The following TRAF2 variants were observed in gnomAD, a reference collection of about 807,000 sequenced individuals.
TRAF2 encodes TNF receptor-associated factor 2.
A neutral mutation model predicts 55.6 loss-of-function variants in TRAF2; 6 were observed. The observed-to-expected ratio is 0.11, with a 90% CI of 0.06 to 0.21. The LOEUF (loss-of-function observed/expected upper bound fraction) is 0.21, where lower values mean the gene tolerates loss of function less well. TRAF2 is among the 10% of genes least tolerant of loss of function. The probability of loss-of-function intolerance (pLI) is 1.00; values close to 1 mark genes in which losing one functional copy is unlikely to be tolerated. For synonymous variants in TRAF2, 329 were observed against 276.3 expected (o/e 1.19, Z -1.89); for missense variants, 561 against 684.5 (o/e 0.82, Z 2.01).
At chr9:136,906,644 AAAAAC>A (rs200362383) in intron 4 of TRAF2, among the ~76,000 whole-genome samples, 1,671 of 152,274 alleles carry the variant, frequency 0.011, 11 homozygotes, top group South Asian at 0.02. Flanking sequence ...CCCTGTCTCA[AAAAAC>A]AAAACAAAAC....
chr9:136,885,332 G>A (rs1185279619), upstream of TRAF2, among the ~76,000 whole-genome samples: 1 of 152,142 alleles, frequency 6.6e-6, no homozygotes, highest in Non-Finnish European at 1.5e-5. Flanking sequence ...GGGGTGAAAG[G>A]TCTCCATTTC....
chr9:136,926,021 G>A lies in TRAF2; in HGVS notation c.*120G>A. ...GGGCAGGGGCCGCGCTTGGGCGCTT[G>A]GGAGGGTGTCGGCCTGCAGCCAAGT... On this transcript the variant is annotated 3_prime_UTR_variant, in exon 11 of 11. Coordinates refer to ENST00000247668, the MANE Select transcript of TRAF2 (RefSeq NM_021138.4). The A allele has an allele frequency of 7.9e-7, 1 of 1,273,052 alleles. No individual in the cohort carries two copies. The highest frequency in any genetic ancestry group is 1.1e-6 in the Non-Finnish European group (1 of 887,630). The allele number at this position is 1,273,052 out of a possible 1,614,324, so 78.9% of individuals were successfully genotyped here. A position where few individuals can be genotyped will look rare whatever the true frequency, so the allele number is the denominator to read the frequency against.
At chr9:136,903,089 A>C (rs893138747) in intron 4 of TRAF2, among the ~76,000 whole-genome samples, 4 of 151,924 alleles carry the variant, frequency 2.6e-5, no homozygotes, top group African/African-American at 9.7e-5. Context: ...GCCTCAGCCT[A>C]CAGGCGCCTG....
At chr9:136,899,050 A>C (rs1849753654) in intron 2 of TRAF2, 122 bp downstream of exon 2, 3 of 949,774 alleles carry the variant, frequency 3.2e-6, no homozygotes, top group Non-Finnish European at 4.6e-6. Flanking sequence ...CCAGTTATCG[A>C]TACTCCCTGG....
In TRAF2 at chr9:136,925,948, G is replaced by T. The variant is rs13291315; in HGVS notation, c.*47G>T. On this transcript the variant is annotated 3_prime_UTR_variant, in exon 11 of 11. Coordinates refer to ENST00000247668, the MANE Select transcript of TRAF2 (RefSeq NM_021138.4). ...GGGTTGGGGGCAGCCAGGCACAGCCGGCTCACGGAGGGGCCACCACGCTGG... is the reference window on the plus strand; with the variant it reads ...GGGTTGGGGGCAGCCAGGCACAGCCTGCTCACGGAGGGGCCACCACGCTGG... 6.9e-6 allele frequency: 11 copies of T among 1,604,958 alleles called. No homozygotes were observed. The highest frequency in any genetic ancestry group is 7.7e-6 in the Non-Finnish European group (9 of 1,173,888).
chr9:136,886,445 G>T, upstream of TRAF2: 1 of 1,004,730 alleles, frequency 1.0e-6, no homozygotes, highest in Non-Finnish European at 1.2e-6. Flanking sequence ...TCCCATGTCC[G>T]TCCGTCAGGC....
At chr9:136,891,798 T>C (rs1035656417) in intron 1 of TRAF2, among the ~76,000 whole-genome samples, 10 of 151,712 alleles carry the variant, frequency 6.6e-5, no homozygotes, top group African/African-American at 2.4e-4. Flanking sequence ...CTTGACTCTC[T>C]GCAACCTCTG....
At chr9:136,883,095 C>T (rs2131263509), upstream of TRAF2, among the ~76,000 whole-genome samples, 1 of 152,280 alleles carries the variant, frequency 6.6e-6, no homozygotes, top group African/African-American at 2.4e-5. Flanking sequence ...GTCTTGAACT[C>T]CTGATCTCAG....
chr9:136,906,755 T>C (rs1205861166), intron 4 of TRAF2, among the ~76,000 whole-genome samples: 1 of 152,200 alleles, frequency 6.6e-6, no homozygotes, highest in African/African-American at 2.4e-5. Flanking sequence ...TGAGAGTCCT[T>C]CTTGACTTCT....
chr9:136,896,522 T>A (rs2784085), intron 1 of TRAF2, among the ~76,000 whole-genome samples: 120,847 of 152,168 alleles, frequency 0.79, 48,192 homozygotes, highest in East Asian at 0.87. Context: ...TGGAAGTTCC[T>A]TGTGCTTGAT....
intron 6 of TRAF2, among the ~76,000 whole-genome samples, chr9:136,915,736 G>A (rs1368256578): frequency 2.0e-5 from 3 of 152,172 alleles, no homozygotes; most frequent in African/African-American, 7.2e-5. Context: ...GTGTGACCGA[G>A]CCCATCTGTG....
chr9:136,924,089 A>G, intron 10 of TRAF2, 89 bp downstream of exon 10: 1 of 1,518,836 alleles, frequency 6.6e-7, no homozygotes, highest in Non-Finnish European at 8.9e-7. Flanking sequence ...TGTGCGGGAC[A>G]AGGTGGCTTG....
At chr9:136,898,091 T>C (rs1320895524) in intron 1 of TRAF2, among the ~76,000 whole-genome samples, 2 of 150,350 alleles carry the variant, frequency 1.3e-5, no homozygotes, top group African/African-American at 2.5e-5. Flanking sequence ...CCAGGTGTGC[T>C]ACATTCCCGC....
At chr9:136,919,042 A>ATATTTATTTATTTATTTATTTATTTATT (rs57654341) in intron 7 of TRAF2, among the ~76,000 whole-genome samples, 118 of 138,382 alleles carry the variant, frequency 8.5e-4, no homozygotes, top group Non-Finnish European at 1.2e-3. Flanking sequence ...GCCTATTTTA[A>ATATTTATTTATTTATTTATTTATTTATT]TATTTATTTA....
chr9:136,882,679 G>A (rs974283885), upstream of TRAF2: 29 of 985,584 alleles, frequency 2.9e-5, no homozygotes, highest in African/African-American at 3.5e-4. Flanking sequence ...AGGAGCCCAC[G>A]TGGGAATCCC....
chr9:136,882,577 TG>T, upstream of TRAF2: 2 of 775,064 alleles, frequency 2.6e-6, no homozygotes, highest in Non-Finnish European at 3.1e-6. Flanking sequence ...GAGAGGGTGC[TG>T]GGGCTTCTCC....
chr9:136,902,700 CACTG>C (rs1271823216), intron 4 of TRAF2, among the ~76,000 whole-genome samples: 95 of 152,332 alleles, frequency 6.2e-4, no homozygotes, highest in Admixed American at 6.5e-5. Context: ...TAAAACCTCT[CACTG>C]GCTGTAAATG....
At chr9:136,899,499 T>C in intron 2 of TRAF2, 95 bp from the exon 3 acceptor site, 1 of 1,094,366 alleles carries the variant, frequency 9.1e-7, no homozygotes, top group Non-Finnish European at 1.4e-6. Context: ...GTTTAAACTG[T>C]GGTGTGGAGG....
At chr9:136,916,509 A>G in intron 6 of TRAF2, 32 bp from the exon 7 acceptor site, 2 of 1,607,170 alleles carry the variant, frequency 1.2e-6, no homozygotes, top group Non-Finnish European at 8.5e-7. Context: ...CAGAACAGAG[A>G]AAGATGGCTC....
Sources: allele counts gnomAD v4.1 joint callset (sites outside exome capture counted in the v4.1 genomes callset), GRCh38; gene constraint gnomAD v4.1.1; transcripts MANE v1.5; gene names NCBI Gene and HGNC (gene_info 2026-07-23, HGNC 2026-07-21).